Variants in CHRNB3 observed in about 807,000 individuals in gnomAD.
CHRNB3 encodes neuronal acetylcholine receptor subunit beta-3.
Under a neutral mutation model 40.6 loss-of-function variants are expected in CHRNB3, and 37 were observed. That is an observed-to-expected ratio of 0.91 (90% CI 0.70 to 1.20). The LOEUF is 1.20. CHRNB3 is among the 50% of genes most tolerant of loss of function. The pLI, the probability that CHRNB3 is intolerant of heterozygous loss-of-function variation, is 0.00. For missense variants in CHRNB3, 505 were observed against 551.2 expected, an observed-to-expected ratio of 0.92 and a Z score of 0.84; for synonymous variants, 207 against 207.1, an observed-to-expected ratio of 1.00 and a Z score of 0.00.
intron 3 of CHRNB3, among the ~76,000 whole-genome samples, chr8:42,726,689 C>A (rs574949523): frequency 2.6e-5 from 4 of 152,100 alleles, no homozygotes; most frequent in Admixed American, 6.6e-5. Context: ...AGGGTTTCAC[C>A]ATGTTGGCCA....
chr8:42,731,015 T>C (rs1190617397), intron 4 of CHRNB3, among the ~76,000 whole-genome samples: 2 of 135,676 alleles, frequency 1.5e-5, no homozygotes, highest in Non-Finnish European at 3.2e-5. Flanking sequence ...GCCACTGCAG[T>C]CCGCAGTCCG....
At chr8:42,729,581 T>C (rs1440083102) in intron 3 of CHRNB3, among the ~76,000 whole-genome samples, 1 of 152,040 alleles carries the variant, frequency 6.6e-6, no homozygotes, top group African/African-American at 2.4e-5. Flanking sequence ...TTGTCAGGCA[T>C]CATGCATATT....
intron 3 of CHRNB3, among the ~76,000 whole-genome samples, chr8:42,729,717 G>T (rs751217076): frequency 2.0e-5 from 3 of 152,008 alleles, no homozygotes; most frequent in African/African-American, 7.3e-5. Flanking sequence ...CTGAACTCCC[G>T]CATCCTTACT....
At chr8:42,720,543 G>T (rs1185193456) in intron 3 of CHRNB3, among the ~76,000 whole-genome samples, 1 of 152,072 alleles carries the variant, frequency 6.6e-6, no homozygotes, top group East Asian at 1.9e-4. Flanking sequence ...AGGAGGTGTG[G>T]GTATTTGTTA....
intron 3 of CHRNB3, chr8:42,726,165 C>A: frequency 3.0e-6 from 4 of 1,325,296 alleles, no homozygotes; most frequent in Non-Finnish European, 4.3e-6. Flanking sequence ...GCTTGATAAG[C>A]TGTCCTCATT....
rs1815884107 is a variant in CHRNB3 at position 42,704,445 on chromosome 8, A to ATTCCT, written c.53-4272_53-4271insTTCCT. On this transcript the variant is annotated intron_variant, in intron 1 of 5. Transcript: ENST00000289957. ...TTGCTGCCCCTGGATCTTGGTGAGGAGCAGGATTCCTGTACCTTCACAGGG... is the reference window on the plus strand; with the variant it reads ...TTGCTGCCCCTGGATCTTGGTGAGGATTCCTGCAGGATTCCTGTACCTTCACAGGG... The ATTCCT allele has an allele frequency of 2.6e-5, 4 of 152,288 alleles. No homozygotes were observed. In the South Asian group the frequency reaches 8.3e-4, roughly 32 times the overall value. 9.4% of individuals were successfully genotyped at this position (152,288 alleles called of 1,614,324 possible).
At chr8:42,710,734 A>G (rs1816002141) in intron 3 of CHRNB3, among the ~76,000 whole-genome samples, 1 of 152,170 alleles carries the variant, frequency 6.6e-6, no homozygotes, top group African/African-American at 2.4e-5. Flanking sequence ...TAGAGGAAAC[A>G]ACAAAGAGCC....
At chr8:42,700,310 C>T (rs1267546789) in intron 1 of CHRNB3, among the ~76,000 whole-genome samples, 1 of 150,144 alleles carries the variant, frequency 6.7e-6, no homozygotes, top group African/African-American at 2.5e-5. Flanking sequence ...CCACTGCGCC[C>T]GGCCTTGTTT....
chr8:42,733,675 C>T (rs1479238654), intron 5 of CHRNB3, among the ~76,000 whole-genome samples: 2 of 149,222 alleles, frequency 1.3e-5, no homozygotes, highest in African/African-American at 5.0e-5. Context: ...TTACTGCAAC[C>T]TCCGCCTGCT....
At chr8:42,705,083 AAAG>A (rs1235688316) in intron 1 of CHRNB3, among the ~76,000 whole-genome samples, 1 of 152,170 alleles carries the variant, frequency 6.6e-6, no homozygotes, top group Admixed American at 6.5e-5. Context: ...TTTCAGACAA[AAAG>A]AAGGAGGCAG....
chr8:42,700,109 G>A (rs183441427), intron 1 of CHRNB3, among the ~76,000 whole-genome samples: 3 of 150,832 alleles, frequency 2.0e-5, no homozygotes, highest in Admixed American at 2.0e-4. Context: ...CGCCTCCCGG[G>A]TTCACGCCAT....
intron 1 of CHRNB3, among the ~76,000 whole-genome samples, chr8:42,703,440 T>TATATA: frequency 1.2e-5 from 1 of 80,718 alleles, no homozygotes; most frequent in African/African-American, 3.1e-5. Context: ...AAAAAAATAT[T>TATATA]TATATATATA....
At chr8:42,705,228 G>C (rs1815902079) in intron 1 of CHRNB3, among the ~76,000 whole-genome samples, 2 of 152,206 alleles carry the variant, frequency 1.3e-5, no homozygotes, top group South Asian at 2.1e-4. Flanking sequence ...CCAGAGCTGA[G>C]CTTTTTAAGC....
At chr8:42,729,447 G>T (rs554536191) in intron 3 of CHRNB3, among the ~76,000 whole-genome samples, 87 of 152,122 alleles carry the variant, frequency 5.7e-4, no homozygotes, top group Non-Finnish European at 1.0e-3. Context: ...ATGCCATTTT[G>T]TTATACTTCA....
chr8:42,726,093 C>T (rs1816304678), intron 3 of CHRNB3: 2 of 1,073,436 alleles, frequency 1.9e-6, no homozygotes, highest in Non-Finnish European at 2.8e-6. Context: ...AACCTGAGCC[C>T]TTTTCTTTTT....
At chr8:42,700,561 C>T (rs1278219704) in intron 1 of CHRNB3, among the ~76,000 whole-genome samples, 1 of 152,060 alleles carries the variant, frequency 6.6e-6, no homozygotes, top group African/African-American at 2.4e-5. Flanking sequence ...CTTAGGAGAT[C>T]CACCCGCTCC....
chr8:42,727,921 C>T (rs966578831), intron 3 of CHRNB3, among the ~76,000 whole-genome samples: 1 of 152,068 alleles, frequency 6.6e-6, no homozygotes. Context: ...AGAAAATCTT[C>T]GTGACCCTGT....
At chr8:42,703,892 C>T (rs1387817620) in intron 1 of CHRNB3, among the ~76,000 whole-genome samples, 1 of 152,206 alleles carries the variant, frequency 6.6e-6, no homozygotes, top group Non-Finnish European at 1.5e-5. Context: ...CAGGCTTGTC[C>T]TCTAAGTCTG....
At chr8:42,732,690 A>C in intron 5 of CHRNB3, 141 bp downstream of exon 5, 1 of 806,814 alleles carries the variant, frequency 1.2e-6, no homozygotes, top group Non-Finnish European at 1.8e-6. Context: ...ATAACATTTA[A>C]AGCAAGCCCT....
Sources: allele counts gnomAD v4.1 joint callset (sites outside exome capture counted in the v4.1 genomes callset), GRCh38; gene constraint gnomAD v4.1.1; transcripts MANE v1.5; gene names NCBI Gene and HGNC (gene_info 2026-07-23, HGNC 2026-07-21).